Variants in STRN3 observed in about 807,000 individuals in gnomAD.
The protein encoded by STRN3 is striatin-3.
STRN3 carries 29 observed loss-of-function variants against 95.6 expected under a neutral mutation model. The observed-to-expected ratio is 0.30, with a 90% CI of 0.23 to 0.41. The LOEUF is 0.41. Ranked by LOEUF, STRN3 falls within the 10% of genes least tolerant of loss-of-function variation. The pLI is 1.00. For missense variants in STRN3, 890 were observed against 972.1 expected (o/e 0.92, Z 1.12); for synonymous variants, 331 against 357.6 (o/e 0.93, Z 0.84).
chr14:30,933,151 C>T (rs937468130), intron 7 of STRN3, among the ~76,000 whole-genome samples: 7 of 151,384 alleles, frequency 4.6e-5, no homozygotes, highest in African/African-American at 7.3e-5. Flanking sequence ...TGTGGTCACA[C>T]GCCTGTGGTC....
chr14:31,010,794 T>G (rs1009148225), intron 1 of STRN3, among the ~76,000 whole-genome samples: 3 of 152,226 alleles, frequency 2.0e-5, no homozygotes, highest in Admixed American at 2.0e-4. Context: ...ATTCCAGCAC[T>G]TTGGGAGGCC....
chr14:30,928,868 T>G (rs2295129), intron 8 of STRN3, among the ~76,000 whole-genome samples: 23,821 of 152,070 alleles, frequency 0.16, 2,013 homozygotes, highest in East Asian at 0.29. Context: ...GTATCAAAAA[T>G]GGAGAAATTT....
At chr14:30,979,972 G>C (rs1194730021) in intron 1 of STRN3, among the ~76,000 whole-genome samples, 5 of 140,008 alleles carry the variant, frequency 3.6e-5, no homozygotes, top group African/African-American at 1.3e-4. Context: ...TTTCAGGCCA[G>C]GTGCGGTGGC....
At position 30,955,682 on chromosome 14, in the gene STRN3, T is replaced by G. The variant is rs759369002; in HGVS notation, c.398A>C (p.His133Pro). ...CAGTTCCGTGCCATATTTTAATTTG[T>G]GATATTTTGCCCTGAAAATTTAATC... is the stretch of plus-strand genomic sequence containing the variant. ...YALKQERAKY[H>P]KLKYGTELNQ... The change falls in exon 3 of 18, where the codon CAC becomes CCC. Residue 133 changes from histidine (H) to proline (P), a missense_variant. Transcript: ENST00000357479. 2.5e-6 allele frequency: 4 copies of G among 1,583,734 alleles called. No individual in the cohort carries two copies. The highest frequency in any genetic ancestry group is 3.4e-6 in the Non-Finnish European group (4 of 1,171,104).
chr14:30,937,990 A>T (rs1344840413), intron 5 of STRN3, among the ~76,000 whole-genome samples: 1 of 152,126 alleles, frequency 6.6e-6, no homozygotes, highest in Admixed American at 6.6e-5. Flanking sequence ...CCTGTAGTAT[A>T]CTTTAAATCA....
intron 5 of STRN3, among the ~76,000 whole-genome samples, chr14:30,945,882 G>A (rs1264215109): frequency 6.6e-6 from 1 of 152,116 alleles, no homozygotes; most frequent in Non-Finnish European, 1.5e-5. Context: ...TGGGTATGGG[G>A]TTTCTTTTAG....
intron 3 of STRN3, among the ~76,000 whole-genome samples, chr14:30,954,852 C>T (rs1879824238): frequency 1.3e-5 from 2 of 150,902 alleles, no homozygotes; most frequent in Admixed American, 1.3e-4. Flanking sequence ...CCAAGCCCTA[C>T]AGTTCTAGAA....
At chr14:30,918,521 A>ACG (rs1896797747) in intron 9 of STRN3, among the ~76,000 whole-genome samples, 1 of 87,416 alleles carries the variant, frequency 1.1e-5, no homozygotes, top group Non-Finnish European at 2.9e-5. Context: ...GGAAAAAAAA[A>ACG]GAAAAAAAAA....
At chr14:30,909,932 CG>C (rs1299830902) in intron 13 of STRN3, among the ~76,000 whole-genome samples, 1 of 152,180 alleles carries the variant, frequency 6.6e-6, no homozygotes, top group Non-Finnish European at 1.5e-5. Flanking sequence ...ACTCCCTCAG[CG>C]TATCTTAAAA....
At chr14:30,914,064 TC>T (rs1322264639) in intron 9 of STRN3, among the ~76,000 whole-genome samples, 1 of 152,196 alleles carries the variant, frequency 6.6e-6, no homozygotes, top group Non-Finnish European at 1.5e-5. Flanking sequence ...CTCAAGGACC[TC>T]AAAGTAGTCA....
intron 7 of STRN3, among the ~76,000 whole-genome samples, chr14:30,929,967 A>AAAAAAAAAAAAAAAGAAAAAAAAAAC (rs1555317336): frequency 1.1e-5 from 1 of 91,122 alleles, no homozygotes; most frequent in Non-Finnish European, 2.3e-5. Context: ...AAAAAAAAAA[A>AAAAAAAAAAAAAAAGAAAAAAAAAAC]AAAAAAAAAA....
intron 1 of STRN3, among the ~76,000 whole-genome samples, chr14:30,996,144 T>G (rs1201808573): frequency 6.6e-6 from 1 of 152,172 alleles, no homozygotes; most frequent in African/African-American, 2.4e-5. Context: ...TCACGCATGC[T>G]AACTGCTGCC....
intron 15 of STRN3, among the ~76,000 whole-genome samples, chr14:30,903,913 A>G (rs1223572208): frequency 6.6e-6 from 1 of 152,226 alleles, no homozygotes; most frequent in Non-Finnish European, 1.5e-5. Context: ...TGGTATTATT[A>G]CTGAGACGAT....
intron 15 of STRN3, among the ~76,000 whole-genome samples, chr14:30,905,044 C>G (rs1053564472): frequency 6.6e-6 from 1 of 151,304 alleles, no homozygotes; most frequent in Non-Finnish European, 1.5e-5. Context: ...CAAACAACTG[C>G]AATACATAAA....
At chr14:30,907,224 C>T (rs1476281673) in intron 13 of STRN3, among the ~76,000 whole-genome samples, 180 bp from the exon 14 acceptor site, 1 of 151,512 alleles carries the variant, frequency 6.6e-6, no homozygotes, top group Non-Finnish European at 1.5e-5. Context: ...ACTTTTATAC[C>T]CTCCTCCCAT....
At chr14:30,975,488 A>C (rs1881047430) in intron 1 of STRN3, among the ~76,000 whole-genome samples, 1 of 151,800 alleles carries the variant, frequency 6.6e-6, no homozygotes, top group Non-Finnish European at 1.5e-5. Flanking sequence ...AAAATCTCAG[A>C]AATCACCAAA....
At chr14:30,989,586 G>C (rs1291019450) in intron 1 of STRN3, among the ~76,000 whole-genome samples, 3 of 151,546 alleles carry the variant, frequency 2.0e-5, no homozygotes, top group Non-Finnish European at 2.9e-5. Flanking sequence ...TCAGCCTCCC[G>C]AGTAGCTGGG....
chr14:30,907,303 TTTC>T (rs1211307340), intron 13 of STRN3, among the ~76,000 whole-genome samples: 2 of 152,026 alleles, frequency 1.3e-5, no homozygotes, highest in Admixed American at 6.6e-5. Flanking sequence ...TTAAAACAGC[TTTC>T]TTGAGATACA....
chr14:30,902,058 C>T (rs1161263417), intron 16 of STRN3, among the ~76,000 whole-genome samples: 2 of 151,374 alleles, frequency 1.3e-5, no homozygotes, highest in Admixed American at 1.3e-4. Flanking sequence ...GTAATCCCAG[C>T]GACTCGGGAG....
Sources: allele counts gnomAD v4.1 joint callset (sites outside exome capture counted in the v4.1 genomes callset), GRCh38; gene constraint gnomAD v4.1.1; transcripts MANE v1.5; gene names NCBI Gene and HGNC (gene_info 2026-07-23, HGNC 2026-07-21).